EIF3A: variants seen among roughly 807,000 people sequenced by gnomAD.
EIF3A encodes eukaryotic translation initiation factor 3 subunit A, also known as EIF3, p180 subunit.
Under a neutral mutation model 186.6 loss-of-function variants are expected in EIF3A, and 21 were observed. The ratio of observed to expected loss-of-function variants is 0.11; its 90% CI spans 0.08 to 0.16. EIF3A has a LOEUF of 0.16. Ranked by LOEUF, EIF3A falls within the 10% of genes least tolerant of loss-of-function variation. The pLI is 1.00. For missense variants in EIF3A, 1,306 were observed against 1,796.3 expected, an observed-to-expected ratio of 0.73 and a Z score of 4.93; for synonymous variants, 563 against 584.3, an observed-to-expected ratio of 0.96 and a Z score of 0.52.
chr10:119,050,781 A>G, intron 15 of EIF3A, 107 bp from the exon 16 acceptor site: 1 of 1,229,584 alleles, frequency 8.1e-7, no homozygotes, highest in Non-Finnish European at 1.1e-6. Flanking sequence ...TATCAGAATC[A>G]TCGAAAGCAA....
rs562189219 is a variant in EIF3A, at chr10:119,041,402, G to A, written c.3526+592C>T. On this transcript the variant is annotated intron_variant, in intron 19 of 21. Transcript: ENST00000369144. ...AGCCTGGGCAACATAGCGAAACCCCGTCTCTCCAAAAAATAAAATATTAGC... is the reference window on the plus strand; with the variant it reads ...AGCCTGGGCAACATAGCGAAACCCCATCTCTCCAAAAAATAAAATATTAGC... Among the ~76,000 whole-genome samples the A allele has an allele frequency of 9.2e-5, 14 of 151,842 alleles. No homozygotes were observed. The South Asian group carries it at 1.0e-3, about 11-fold the overall frequency.
At position 119,065,844 on chromosome 10, in the gene EIF3A, C is replaced by T. The variant is rs140040049; in HGVS notation, c.951-274G>A. On this transcript the variant is annotated intron_variant, in intron 6 of 21. Transcript: ENST00000369144. ...GAAAAAGATTGTGATTGACCAGGCG[C>T]GGTGGCTCACGCCTGTAATCCCAGC... Among the ~76,000 whole-genome samples the T allele has an allele frequency of 3.7e-3, 560 of 152,222 alleles. 18 individuals carry two copies. In the East Asian group the frequency reaches 0.065, roughly 18 times the overall value.
At chr10:119,066,493 AGTTAAGACT>A (rs1388959303) in intron 6 of EIF3A, among the ~76,000 whole-genome samples, 1 of 94,790 alleles carries the variant, frequency 1.1e-5, no homozygotes, top group Non-Finnish European at 2.0e-5. Flanking sequence ...TGGGGGGCAG[AGTTAAGACT>A]GTCAAAAAAA....
chr10:119,072,929 A>G lies in EIF3A; in HGVS notation c.502T>C (p.Ser168Pro). Residue 168 changes from serine (S) to proline (P), a missense_variant, in exon 4 of 22, where the codon TCT becomes CCT. By Grantham distance (74) the Ser-to-Pro change is moderately conservative. Coordinates refer to ENST00000369144, the MANE Select transcript of EIF3A (RefSeq NM_003750.4). ...RQCLDLLRNN[S>P]RVERLYHDIA... ...TCATGGTACAGGCGCTCTACTCTAGAATTGTTTCTAAGAAGGTCCAAACAC... is the reference window on the plus strand; with the variant it reads ...TCATGGTACAGGCGCTCTACTCTAGGATTGTTTCTAAGAAGGTCCAAACAC... 1 of 1,614,084 alleles carries G rather than the reference A, an allele frequency of 6.2e-7. No individual in the cohort carries two copies. The highest frequency in any genetic ancestry group is 8.5e-7 in the Non-Finnish European group (1 of 1,180,006).
intron 1 of EIF3A, among the ~76,000 whole-genome samples, chr10:119,075,784 G>A (rs1381465987): frequency 1.6e-5 from 2 of 126,712 alleles, no homozygotes; most frequent in African/African-American, 6.0e-5. Context: ...TGCAATCTCA[G>A]CTCACTGCAA....
Position 119,069,640 on chromosome 10 carries a change from A to T in EIF3A, c.756T>A (p.Ala252=). Residue 252 remains alanine (A), a synonymous_variant, in exon 6 of 22, where the codon GCT becomes GCA. Transcript: ENST00000369144. ...AGAATAGCCCGTGAATATCTTCCAC[A>T]GCTTTGAATGCTTCCTAAAATTAGG... is the stretch of plus-strand genomic sequence containing the variant. The part of the protein sequence containing the change: ...SMELWQEAFK[A]VEDIHGLFSL... The T allele has an allele frequency of 6.4e-7, 1 of 1,569,690 alleles. No homozygotes were observed. Among genetic ancestry groups the T allele is most frequent in the Non-Finnish European group, 8.8e-7 (1 of 1,139,778 alleles).
intron 20 of EIF3A, 35 bp from the exon 21 acceptor site, chr10:119,037,344 CTG>C: frequency 6.3e-7 from 1 of 1,578,350 alleles, no homozygotes; most frequent in Non-Finnish European, 8.7e-7. Context: ...CAGGTTCTTA[CTG>C]TTAGACCAAA....
rs780272294 is a variant in EIF3A, at chr10:119,049,848, G to A, written c.2611C>T (p.Arg871Cys). Reference sequence around the variant, plus strand: ...CCAAGTCTTCTCTCTTCCTCTCTACGCCGTTCTCGTTCTTCAATTTCCAAC... The same window carrying A: ...CCAAGTCTTCTCTCTTCCTCTCTACACCGTTCTCGTTCTTCAATTTCCAAC... ...RELEIEERERRREEERRLGDS... is the reference protein window; with the variant it reads ...RELEIEERERCREEERRLGDS... The change falls in exon 17 of 22, where the codon CGT becomes TGT. Residue 871 changes from arginine (R) to cysteine (C), a missense_variant. Arg to Cys is a radical substitution (Grantham distance 180). Transcript: ENST00000369144. 5 of 1,613,784 alleles carry A rather than the reference G, an allele frequency of 3.1e-6. No homozygotes were observed. The highest frequency in any genetic ancestry group is 1.6e-4 in the Middle Eastern group (1 of 6,082).
intron 1 of EIF3A, among the ~76,000 whole-genome samples, chr10:119,079,653 A>T (rs1384735253): frequency 6.6e-6 from 1 of 152,194 alleles, no homozygotes; most frequent in Non-Finnish European, 1.5e-5. Context: ...GCATCCCCAG[A>T]ACGCCAATGT....
chr10:119,066,181 C>T (rs1843975470), intron 6 of EIF3A, among the ~76,000 whole-genome samples: 1 of 151,236 alleles, frequency 6.6e-6, no homozygotes, highest in South Asian at 2.1e-4. Flanking sequence ...TTCATATACC[C>T]CAGACTTCCT....
At chr10:119,073,294 T>TAA in intron 3 of EIF3A, 147 bp downstream of exon 3, 1 of 699,952 alleles carries the variant, frequency 1.4e-6, no homozygotes, top group Non-Finnish European at 2.3e-6. Flanking sequence ...ATTACCTACA[T>TAA]AAATTAACTG....
chr10:119,066,505 CAAAAAAAAAAAAAAAAAAA>C (rs71016533), intron 6 of EIF3A, among the ~76,000 whole-genome samples: 3 of 47,498 alleles, frequency 6.3e-5, no homozygotes, highest in East Asian at 8.7e-4. Context: ...TTAAGACTGT[CAAAAAAAAAAAAAAAAAAA>C]AAAAAAAAAA....
chr10:119,038,098 G>A (rs1318188596), intron 20 of EIF3A, 140 bp downstream of exon 20: 6 of 716,176 alleles, frequency 8.4e-6, no homozygotes, highest in Admixed American at 2.3e-5. Context: ...GTATTTTTTA[G>A]TAGAGATGGG....
intron 8 of EIF3A, 168 bp downstream of exon 8, chr10:119,061,056 C>A (rs1354815711): frequency 1.7e-6 from 1 of 576,230 alleles, no homozygotes; most frequent in Non-Finnish European, 3.0e-6. Flanking sequence ...GTTTGCTGAG[C>A]ACATCAGATA....
chr10:119,050,882 C>CT (rs1277899981), intron 15 of EIF3A, among the ~76,000 whole-genome samples: 1 of 152,164 alleles, frequency 6.6e-6, no homozygotes, highest in East Asian at 1.9e-4. Context: ...TATTACCTAC[C>CT]TCCAGTGGGT....
At chr10:119,045,720 C>T (rs575522662) in intron 17 of EIF3A, among the ~76,000 whole-genome samples, 14 of 152,204 alleles carry the variant, frequency 9.2e-5, no homozygotes, top group Non-Finnish European at 1.9e-4. Context: ...TGCACCACCA[C>T]GCCCAGCTCA....
chr10:119,046,956 T>C (rs1233552136), intron 17 of EIF3A, among the ~76,000 whole-genome samples: 1 of 149,324 alleles, frequency 6.7e-6, no homozygotes, highest in African/African-American at 2.5e-5. Flanking sequence ...AAAAAATTAA[T>C]GGAATAGAGA....
At chr10:119,038,574 A>C (rs781546218) in intron 19 of EIF3A, 135 bp from the exon 20 acceptor site, 1 of 720,102 alleles carries the variant, frequency 1.4e-6, no homozygotes, top group Non-Finnish European at 2.3e-6. Flanking sequence ...AAAAAATACT[A>C]AAGCTGTGTA....
chr10:119,069,722 T>C (rs1370550686), intron 5 of EIF3A, 68 bp from the exon 6 acceptor site: 2 of 800,322 alleles, frequency 2.5e-6, no homozygotes, highest in South Asian at 1.4e-5. Flanking sequence ...TTCAAATTTC[T>C]ATGAAACCTA....
Sources: allele counts gnomAD v4.1 joint callset (sites outside exome capture counted in the v4.1 genomes callset), GRCh38; gene constraint gnomAD v4.1.1; transcripts MANE v1.5; gene names NCBI Gene and HGNC (gene_info 2026-07-23, HGNC 2026-07-21).